VTI1A: variants seen among roughly 807,000 people sequenced by gnomAD.
The protein encoded by VTI1A is vesicle transport through interaction with t-SNAREs 1A.
Under a neutral mutation model 34.9 loss-of-function variants are expected in VTI1A, and 22 were observed. That is an observed-to-expected ratio of 0.63 (90% CI 0.45 to 0.90). The LOEUF is 0.90. Among genes scored for constraint, VTI1A ranks in the 40% least tolerant of loss-of-function variants. The pLI is 0.00. For missense variants in VTI1A, 268 were observed against 275.6 expected (o/e 0.97, Z 0.20); for synonymous variants, 87 against 97.3 (o/e 0.89, Z 0.62).
intron 5 of VTI1A, among the ~76,000 whole-genome samples, chr10:112,558,427 A>G (rs942110160): frequency 2.0e-5 from 3 of 152,192 alleles, no homozygotes; most frequent in Non-Finnish European, 4.4e-5. Context: ...AAGACAGCTT[A>G]TTGATTCAGT....
intron 3 of VTI1A, among the ~76,000 whole-genome samples, chr10:112,467,302 A>G (rs1031227659): frequency 4.6e-5 from 7 of 152,172 alleles, no homozygotes; most frequent in African/African-American, 1.7e-4. Flanking sequence ...TTTCTGGGCT[A>G]TATTTTCTAT....
In VTI1A at chr10:112,668,305, C is replaced by A. The variant is rs1202397315; in HGVS notation, c.498+17C>A. 1 of 1,609,222 alleles carries A rather than the reference C, an allele frequency of 6.2e-7. No homozygotes were observed. Among genetic ancestry groups the A allele is most frequent in the Admixed American group, 1.7e-5 (1 of 59,716 alleles). On this transcript the variant is annotated intron_variant, in intron 6 of 7. Transcript: ENST00000393077. ...CGTGAAAGAGTAAGTACAATTGATA[C>A]AGTTTTTTCACATATTCAGTAAATG... is the stretch of plus-strand genomic sequence containing the variant.
chr10:112,457,163 C>G (rs74158727), intron 1 of VTI1A, among the ~76,000 whole-genome samples: 1 of 151,976 alleles, frequency 6.6e-6, no homozygotes, highest in Admixed American at 6.6e-5. Flanking sequence ...AAAGGATGCT[C>G]GGCTCTGAAA....
intron 7 of VTI1A, among the ~76,000 whole-genome samples, chr10:112,755,260 A>AAAG (rs1851243639): frequency 6.6e-6 from 1 of 151,478 alleles, no homozygotes; most frequent in African/African-American, 2.4e-5. Flanking sequence ...TCTCAAAAAA[A>AAAG]AAAGAAAGAA....
chr10:112,713,402 C>T (rs1056534925), intron 7 of VTI1A, among the ~76,000 whole-genome samples: 3 of 152,178 alleles, frequency 2.0e-5, no homozygotes, highest in Non-Finnish European at 4.4e-5. Context: ...TAAATGCTAA[C>T]TGCTATATAA....
chr10:112,520,639 G>GTATATATATA (rs1485151139), intron 3 of VTI1A, among the ~76,000 whole-genome samples: 9 of 128,230 alleles, frequency 7.0e-5, no homozygotes, highest in African/African-American at 2.0e-4. Context: ...GTGTGTGTGT[G>GTATATATATA]TGTGTGTGTA....
chr10:112,850,368 AAAAG>A, the VTI1A span, among the ~76,000 whole-genome samples: 1 of 151,714 alleles, frequency 6.6e-6, no homozygotes, highest in African/African-American at 2.4e-5. Context: ...GAAAAAAAAA[AAAAG>A]AAACAGCCTG....
At chr10:112,647,218 C>G (rs1846829988) in intron 5 of VTI1A, among the ~76,000 whole-genome samples, 1 of 152,208 alleles carries the variant, frequency 6.6e-6, no homozygotes, top group African/African-American at 2.4e-5. Flanking sequence ...CCACCCCACT[C>G]TGTCCTTATC....
chr10:112,720,526 C>T (rs1849765385), intron 7 of VTI1A, among the ~76,000 whole-genome samples: 1 of 152,074 alleles, frequency 6.6e-6, no homozygotes, highest in Non-Finnish European at 1.5e-5. Flanking sequence ...ATGTCTGATT[C>T]TATTGAGTTT....
intron 5 of VTI1A, among the ~76,000 whole-genome samples, chr10:112,550,477 A>C (rs891979050): frequency 6.6e-6 from 1 of 152,052 alleles, no homozygotes; most frequent in Non-Finnish European, 1.5e-5. Context: ...CAAGTGGAAA[A>C]CTTGATGGGC....
chr10:112,461,816 C>A (rs574499293), intron 2 of VTI1A, among the ~76,000 whole-genome samples: 18 of 152,334 alleles, frequency 1.2e-4, no homozygotes, highest in Admixed American at 6.5e-4. Flanking sequence ...CTCTTGGGCT[C>A]AAGCGATTCT....
intron 5 of VTI1A, among the ~76,000 whole-genome samples, chr10:112,587,205 C>T (rs1844194462): frequency 6.6e-6 from 1 of 152,098 alleles, no homozygotes; most frequent in African/African-American, 2.4e-5. Flanking sequence ...CTTCCAAAAA[C>T]ATGCCCAAGG....
At chr10:112,783,650 C>T (rs979551992) in intron 7 of VTI1A, among the ~76,000 whole-genome samples, 1 of 152,126 alleles carries the variant, frequency 6.6e-6, no homozygotes. Context: ...ATCCAGCTGG[C>T]TTTGGAGGTA....
intron 5 of VTI1A, among the ~76,000 whole-genome samples, chr10:112,647,440 T>G (rs1405957817): frequency 2.0e-5 from 3 of 152,290 alleles, no homozygotes; most frequent in Non-Finnish European, 2.9e-5. Context: ...TCTTTTGAAG[T>G]CTCTCATACT....
At chr10:112,725,438 C>T (rs1333570231) in intron 7 of VTI1A, among the ~76,000 whole-genome samples, 1 of 152,182 alleles carries the variant, frequency 6.6e-6, no homozygotes, top group Non-Finnish European at 1.5e-5. Context: ...AGGCACATAA[C>T]ATCTGTTTGC....
rs538000885 is a variant in VTI1A, at chr10:112,775,662, A to C, written c.561-39628A>C. Among the ~76,000 whole-genome samples, 203 of 152,346 alleles carry C rather than the reference A, an allele frequency of 1.3e-3. 3 individuals are homozygous for C. Among genetic ancestry groups the C allele is most frequent in the Non-Finnish European group, 2.2e-3 (148 of 68,032 alleles). The stretch of plus-strand genomic sequence containing the variant: ...ACTGTTTCAACCACAAGCTTAAAGA[A>C]TTATCAAGGCAGACTGCATTAGTCC... On this transcript the variant is annotated intron_variant, in intron 7 of 7. Coordinates refer to ENST00000393077, the MANE Select transcript of VTI1A (RefSeq NM_145206.4).
At chr10:112,735,502 C>T (rs565141193) in intron 7 of VTI1A, among the ~76,000 whole-genome samples, 2 of 152,338 alleles carry the variant, frequency 1.3e-5, no homozygotes, top group East Asian at 3.9e-4. Context: ...TCTGAGCCTA[C>T]AAAGAGCTGA....
At chr10:112,716,528 G>A (rs1016710045) in intron 7 of VTI1A, among the ~76,000 whole-genome samples, 2 of 152,118 alleles carry the variant, frequency 1.3e-5, no homozygotes, top group African/African-American at 4.8e-5. Flanking sequence ...GTGATACCTG[G>A]CCTGAGCTTT....
the VTI1A span, among the ~76,000 whole-genome samples, chr10:112,828,594 A>G: frequency 1.6e-4 from 25 of 151,766 alleles, no homozygotes; most frequent in Admixed American, 1.5e-3. Flanking sequence ...TTTAGTAGAG[A>G]CGGGGTTTCA....
Sources: allele counts gnomAD v4.1 joint callset (sites outside exome capture counted in the v4.1 genomes callset), GRCh38; gene constraint gnomAD v4.1.1; transcripts MANE v1.5; gene names NCBI Gene and HGNC (gene_info 2026-07-23, HGNC 2026-07-21).